NCOR2: variants seen among roughly 807,000 people sequenced by gnomAD.
The protein encoded by NCOR2 is CTG repeat protein 26.
Under a neutral mutation model 262.9 loss-of-function variants are expected in NCOR2, and 81 were observed. The observed-to-expected ratio is 0.31, with a 90% CI of 0.26 to 0.37. The LOEUF is 0.37. NCOR2 is among the 10% of genes least tolerant of loss of function. The pLI is 1.00. For synonymous variants in NCOR2, 1,659 were observed against 1,559.3 expected (o/e 1.06, Z -1.51); for missense variants, 3,385 against 3,621.4 (o/e 0.93, Z 1.68).
chr12:124,330,885 A>C, exon 44 of NCOR2: 2 of 1,582,464 alleles, frequency 1.3e-6, no homozygotes, highest in South Asian at 2.3e-5. Flanking sequence ...TCTCCGTCCC[A>C]GGCTGGCTGA....
chr12:124,339,905 A>ACCCCCCC, intron 37 of NCOR2, 101 bp downstream of exon 39: 3 of 163,602 alleles, frequency 1.8e-5, no homozygotes, highest in South Asian at 3.9e-5. Flanking sequence ...CCACCCACCC[A>ACCCCCCC]CCTCCCATAT....
rs535165991 is a variant in NCOR2, at chr12:124,509,246, G to T, written c.-117-13878C>A. Among the ~76,000 whole-genome samples the T allele has an allele frequency of 1.3e-5, 2 of 148,166 alleles. 1 individual carries two copies. The highest frequency in any genetic ancestry group is 5.3e-5 in the African/African-American group (2 of 37,930). On this transcript the variant is annotated intron_variant, in intron 1 of 46. Transcript: ENST00000404621. ...GGCACTGGCTTTGGTGGGGGGGGGG[G>T]GGGCTTAACTCTGAACTCTCAAGCT...
intron 1 of NCOR2, among the ~76,000 whole-genome samples, chr12:124,564,566 T>C (rs2052173059): frequency 8.4e-6 from 1 of 118,522 alleles, no homozygotes; most frequent in Admixed American, 1.1e-4. Flanking sequence ...AGGCAGCATT[T>C]GTGGGGCTTT....
intron 44 of NCOR2, among the ~76,000 whole-genome samples, chr12:124,330,525 C>G (rs1202685779): frequency 6.6e-6 from 1 of 152,242 alleles, no homozygotes; most frequent in Non-Finnish European, 1.5e-5. Context: ...CTCGTCCAGA[C>G]ATGTGCATCT....
intron 1 of NCOR2, among the ~76,000 whole-genome samples, chr12:124,564,229 T>C (rs545099350): frequency 6.6e-6 from 1 of 152,306 alleles, no homozygotes; most frequent in East Asian, 1.9e-4. Context: ...CCAGCTGGCC[T>C]TTCCCAAGCA....
chr12:124,543,406 G>C (rs78449929), intron 1 of NCOR2, among the ~76,000 whole-genome samples: 1 of 152,202 alleles, frequency 6.6e-6, no homozygotes, highest in Non-Finnish European at 1.5e-5. Context: ...CATCTCCACT[G>C]TCCGGACCCT....
chr12:124,474,152 C>T (rs775551622), intron 3 of NCOR2, among the ~76,000 whole-genome samples: 4 of 152,368 alleles, frequency 2.6e-5, no homozygotes, highest in Non-Finnish European at 5.9e-5. Context: ...AAGGCCTGGC[C>T]TCTGCATACC....
At chr12:124,340,413 G>A (rs1440840239) in exon 36 of NCOR2, 7 of 1,612,898 alleles carry the variant, frequency 4.3e-6, no homozygotes, top group Non-Finnish European at 5.9e-6. Flanking sequence ...CGAGGACGTG[G>A]TGGTTGGTTT....
At chr12:124,502,487 C>T (rs555372520) in intron 1 of NCOR2, among the ~76,000 whole-genome samples, 53 of 152,184 alleles carry the variant, frequency 3.5e-4, no homozygotes, top group African/African-American at 1.3e-3. Context: ...GGGTGCGTCA[C>T]CAGAGGTGCC....
intron 3 of NCOR2, among the ~76,000 whole-genome samples, chr12:124,475,268 C>T (rs775716491): frequency 2.0e-5 from 3 of 152,172 alleles, no homozygotes; most frequent in Admixed American, 1.3e-4. Context: ...GGCCACCTCC[C>T]CCAGGGACAC....
At chr12:124,442,448 GGTAA>G (rs1411697906) in intron 7 of NCOR2, among the ~76,000 whole-genome samples, 3 of 152,202 alleles carry the variant, frequency 2.0e-5, no homozygotes, top group African/African-American at 7.2e-5. Flanking sequence ...CCCTAGTTGT[GGTAA>G]GTGTTTCTCT....
chr12:124,459,922 T>TGAGCCTTTGCACCTACCG (rs2046075929), intron 5 of NCOR2, among the ~76,000 whole-genome samples: 1 of 152,194 alleles, frequency 6.6e-6, no homozygotes, highest in Admixed American at 6.5e-5. Flanking sequence ...CTACTGCCTC[T>TGAGCCTTTGCACCTACCG]GAGCCTTTGC....
chr12:124,350,223 G>A (rs981749924), intron 28 of NCOR2, among the ~76,000 whole-genome samples: 1 of 152,176 alleles, frequency 6.6e-6, no homozygotes, highest in African/African-American at 2.4e-5. Flanking sequence ...AGTGGGGCGA[G>A]GGGCACTCTG....
chr12:124,509,059 C>G (rs993128830), intron 1 of NCOR2, among the ~76,000 whole-genome samples: 21 of 152,154 alleles, frequency 1.4e-4, no homozygotes, highest in African/African-American at 5.1e-4. Flanking sequence ...AGGCAGGGAC[C>G]CCAACCTGGC....
rs373474834 is a variant in NCOR2 at position 124,335,211 on chromosome 12, G to A, written c.6335C>T (p.Ser2112Leu). 1.2e-5 allele frequency: 19 copies of A among 1,610,938 alleles called. 1 individual carries two copies. The highest frequency in any genetic ancestry group is 6.7e-5 in the Admixed American group (4 of 59,984). ...GGCGGTCTGGAGCAGCGGGCTGGAC[G>A]AGGGCTGGCTCTCAGGCAGCGGCCG... The change falls in exon 40 of 47, where the codon TCG (serine) becomes TTG (leucine). Residue 2112 changes from serine to leucine, a missense_variant. This residue lies in a region of NCOR2 where 1,017 missense variants were observed against 967.2 expected (regional missense o/e 1.05). Coordinates refer to ENST00000405201, the Ensembl canonical transcript of NCOR2.
chr12:124,328,158 GAGA>G (rs1276429650), intron 44 of NCOR2, among the ~76,000 whole-genome samples: 3 of 151,476 alleles, frequency 2.0e-5, no homozygotes, highest in Admixed American at 1.3e-4. Context: ...GACTGAGAGA[GAGA>G]AGGTGACCAG....
chr12:124,327,981 G>A (rs1033670307), intron 44 of NCOR2, among the ~76,000 whole-genome samples: 20 of 151,864 alleles, frequency 1.3e-4, no homozygotes, highest in Non-Finnish European at 2.2e-4. Flanking sequence ...CACAAGCCCC[G>A]TCTGCACCTC....
intron 8 of NCOR2, 130 bp from the exon 11 acceptor site, chr12:124,430,917 CAT>C (rs1179117370): frequency 9.3e-7 from 1 of 1,079,034 alleles, no homozygotes; most frequent in East Asian, 2.6e-5. Flanking sequence ...CAGGCACACA[CAT>C]ATACAGTCAG....
chr12:124,544,051 C>G (rs1021332151), intron 1 of NCOR2, among the ~76,000 whole-genome samples: 2 of 152,244 alleles, frequency 1.3e-5, no homozygotes, highest in South Asian at 2.1e-4. Context: ...CCACACTCAG[C>G]GTCAGTCAGC....
Sources: allele counts gnomAD v4.1 joint callset (sites outside exome capture counted in the v4.1 genomes callset), GRCh38; gene constraint gnomAD v4.1.1; regional missense constraint gnomAD v4.1.1; transcripts MANE v1.5; gene names NCBI Gene and HGNC (gene_info 2026-07-23, HGNC 2026-07-21).